ROBO1: variants seen among roughly 807,000 people sequenced by gnomAD.
ROBO1 encodes roundabout guidance receptor 1.
In ROBO1, 149 loss-of-function variants were observed where a neutral mutation model predicts 195.9. The ratio of observed to expected loss-of-function variants is 0.76; its 90% CI spans 0.67 to 0.87. The LOEUF (loss-of-function observed/expected upper bound fraction) is 0.87. Among genes scored for constraint, ROBO1 ranks in the 40% least tolerant of loss-of-function variants. ROBO1 has a pLI of 0.00. For missense variants in ROBO1, 1,933 were observed against 2,068.3 expected, an observed-to-expected ratio of 0.93 and a Z score of 1.27; for synonymous variants, 816 against 733.2, an observed-to-expected ratio of 1.11 and a Z score of -1.82.
intron 4 of ROBO1, among the ~76,000 whole-genome samples, chr3:78,928,168 T>C (rs1025438591): frequency 6.6e-6 from 1 of 152,196 alleles, no homozygotes; most frequent in Non-Finnish European, 1.5e-5. Context: ...TTTATTAAAT[T>C]TGTTGAAAAC....
intron 1 of ROBO1, among the ~76,000 whole-genome samples, chr3:79,635,791 G>A (rs1187670630): frequency 2.0e-5 from 3 of 152,098 alleles, no homozygotes; most frequent in South Asian, 2.1e-4. Context: ...GAGATGGAAT[G>A]GGGATATTTT....
intron 2 of ROBO1, among the ~76,000 whole-genome samples, chr3:79,205,340 A>G (rs1435289618): frequency 2.0e-5 from 3 of 152,114 alleles, no homozygotes; most frequent in Non-Finnish European, 2.9e-5. Context: ...AGTGAGACTC[A>G]ATTCCTAGCA....
At chr3:78,841,019 G>A (rs1203444908) in intron 4 of ROBO1, among the ~76,000 whole-genome samples, 3 of 150,190 alleles carry the variant, frequency 2.0e-5, no homozygotes, top group African/African-American at 7.4e-5. Flanking sequence ...CCAAGATCAC[G>A]CCACTGCACT....
At chr3:79,478,281 CTCA>C (rs1559927898) in intron 2 of ROBO1, among the ~76,000 whole-genome samples, 4 of 152,040 alleles carry the variant, frequency 2.6e-5, no homozygotes, top group African/African-American at 9.7e-5. Context: ...TCTTATGGGG[CTCA>C]TATCCTGATA....
intron 4 of ROBO1, 77 bp downstream of exon 4, chr3:78,938,524 T>C: frequency 7.5e-7 from 1 of 1,325,078 alleles, no homozygotes; most frequent in South Asian, 1.5e-5. Context: ...CAAATTCGAC[T>C]TTTCATTGCC....
chr3:78,627,545 G>A lies in ROBO1; in HGVS notation c.3651C>T (p.Pro1217=), dbSNP rs372636852. Reference sequence around the variant, plus strand: ...GCAAATACATCCTTGCTGGTGGCACGGGACATGGCATTTCTTGGTCATAGC... The same window carrying A: ...GCAAATACATCCTTGCTGGTGGCACAGGACATGGCATTTCTTGGTCATAGC... ...DESYDQEMPC[P]VPPARMYLQQ... Residue 1217 remains proline (P), a synonymous_variant, in exon 26 of 31, where the codon CCC becomes CCT. Coordinates refer to ENST00000464233, the MANE Select transcript of ROBO1 (RefSeq NM_002941.4). 6.0e-4 allele frequency: 963 copies of A among 1,612,656 alleles called. 1 individual carries two copies. Among genetic ancestry groups the A allele is most frequent in the Non-Finnish European group, 8.0e-4 (942 of 1,179,384 alleles).
chr3:79,564,704 T>C (rs943748903), intron 2 of ROBO1, among the ~76,000 whole-genome samples: 18 of 152,102 alleles, frequency 1.2e-4, no homozygotes, highest in Non-Finnish European at 7.4e-5. Context: ...GTGTGCTGTT[T>C]TGTATAAGCT....
intron 4 of ROBO1, among the ~76,000 whole-genome samples, chr3:78,819,978 T>G (rs1022584745): frequency 3.3e-5 from 5 of 152,240 alleles, no homozygotes; most frequent in Non-Finnish European, 7.3e-5. Flanking sequence ...TTAAAACTTT[T>G]TGATTCAGTT....
chr3:78,795,779 T>C (rs1211410992), intron 4 of ROBO1, among the ~76,000 whole-genome samples: 1 of 152,092 alleles, frequency 6.6e-6, no homozygotes, highest in Non-Finnish European at 1.5e-5. Flanking sequence ...AGTCAGCTCA[T>C]GTGGAAGATA....
At chr3:79,628,614 A>G (rs1316345536) in intron 1 of ROBO1, among the ~76,000 whole-genome samples, 3 of 152,196 alleles carry the variant, frequency 2.0e-5, no homozygotes, top group Non-Finnish European at 4.4e-5. Flanking sequence ...AAGAAATAAG[A>G]AAAATAGAAT....
chr3:78,622,895 A>T (rs1409004738), intron 26 of ROBO1, among the ~76,000 whole-genome samples: 1 of 152,238 alleles, frequency 6.6e-6, no homozygotes, highest in Non-Finnish European at 1.5e-5. Context: ...GACATCAGAC[A>T]CATGAGTGAA....
intron 3 of ROBO1, among the ~76,000 whole-genome samples, chr3:78,973,799 T>C (rs975004354): frequency 6.6e-6 from 1 of 151,920 alleles, no homozygotes; most frequent in Non-Finnish European, 1.5e-5. Context: ...ATATTTATCA[T>C]ATATCGGTTC....
At chr3:79,650,824 G>C (rs1388782084) in intron 1 of ROBO1, among the ~76,000 whole-genome samples, 1 of 151,706 alleles carries the variant, frequency 6.6e-6, no homozygotes, top group African/African-American at 2.4e-5. Flanking sequence ...CCATATAAAG[G>C]CCTGAGTCAG....
intron 1 of ROBO1, among the ~76,000 whole-genome samples, chr3:79,699,919 T>C (rs1227505302): frequency 6.6e-6 from 1 of 151,598 alleles, no homozygotes; most frequent in Non-Finnish European, 1.5e-5. Flanking sequence ...AGGTTTGGGG[T>C]ACAAATGATC....
intron 3 of ROBO1, among the ~76,000 whole-genome samples, chr3:79,066,538 A>G (rs1182747590): frequency 6.6e-6 from 1 of 151,990 alleles, no homozygotes; most frequent in African/African-American, 2.4e-5. Flanking sequence ...ATATTAAAAA[A>G]TACAAATGTG....
At chr3:79,464,822 A>C (rs1937866123) in intron 2 of ROBO1, among the ~76,000 whole-genome samples, 1 of 152,044 alleles carries the variant, frequency 6.6e-6, no homozygotes, top group Admixed American at 6.6e-5. Context: ...CTCTGTGAAA[A>C]ATTTTACACA....
intron 2 of ROBO1, among the ~76,000 whole-genome samples, chr3:79,272,674 A>G (rs1257488599): frequency 6.6e-6 from 1 of 152,066 alleles, no homozygotes; most frequent in Non-Finnish European, 1.5e-5. Context: ...CACAGTGGAA[A>G]GCAACACCAG....
chr3:79,018,994 G>A lies in ROBO1; in HGVS notation c.173-80067C>T, dbSNP rs528985268. Reference sequence around the variant, plus strand: ...CCAAAGTAGAAGCAGCAGCTCCGGAGGAAGGGCTCGGGGTGCCGGGAGTGT... The same window carrying A: ...CCAAAGTAGAAGCAGCAGCTCCGGAAGAAGGGCTCGGGGTGCCGGGAGTGT... On this transcript the variant is annotated intron_variant, in intron 3 of 30. Transcript: ENST00000464233. The A allele has an allele frequency of 1.3e-4, 126 of 990,518 alleles. 1 individual carries two copies. The highest frequency in any genetic ancestry group is 1.7e-5 in the African/African-American group (1 of 57,384). 61.4% of individuals were successfully genotyped at this position (990,518 alleles called of 1,614,324 possible). A position where few individuals can be genotyped will look rare whatever the true frequency, so the allele number is the denominator to read the frequency against.
At chr3:78,779,808 A>T (rs1003326249) in intron 4 of ROBO1, among the ~76,000 whole-genome samples, 1 of 152,068 alleles carries the variant, frequency 6.6e-6, no homozygotes, top group Non-Finnish European at 1.5e-5. Context: ...ATGCACACAT[A>T]TGTTTATTGC....
Sources: allele counts gnomAD v4.1 joint callset (sites outside exome capture counted in the v4.1 genomes callset), GRCh38; gene constraint gnomAD v4.1.1; transcripts MANE v1.5; gene names NCBI Gene and HGNC (gene_info 2026-07-23, HGNC 2026-07-21).